The following ETS1 variants were observed in gnomAD, a reference collection of about 807,000 sequenced individuals.
ETS1 encodes the protein protein C-ets-1.
In ETS1, 15 loss-of-function variants were observed where a neutral mutation model predicts 58.6. That is an observed-to-expected ratio of 0.26 (90% confidence interval 0.17 to 0.39). The LOEUF (loss-of-function observed/expected upper bound fraction) is 0.39. ETS1 is among the 10% of genes least tolerant of loss of function. ETS1 has a pLI of 1.00. For synonymous variants in ETS1, 214 were observed against 218.2 expected (o/e 0.98, Z 0.17); for missense variants, 417 against 610.5 (o/e 0.68, Z 3.34).
chr11:128,466,340 C>T (rs1862034588), intron 8 of ETS1, among the ~76,000 whole-genome samples: 1 of 152,158 alleles, frequency 6.6e-6, no homozygotes, highest in African/African-American at 2.4e-5. Context: ...AGATCGAGAT[C>T]CTTCCCCCGG....
chr11:128,482,623 A>T (rs566698512), intron 7 of ETS1, among the ~76,000 whole-genome samples: 1 of 152,340 alleles, frequency 6.6e-6, no homozygotes, highest in African/African-American at 2.4e-5. Context: ...TTACAGCGGT[A>T]GGCAGCTTTC....
chr11:128,533,696 G>A (rs775855520), intron 3 of ETS1, among the ~76,000 whole-genome samples: 9 of 152,170 alleles, frequency 5.9e-5, no homozygotes, highest in Non-Finnish European at 1.0e-4. Flanking sequence ...CCAAGGCCTT[G>A]CTAGATAAAA....
At chr11:128,520,109 A>T (rs1281362837) in intron 3 of ETS1, among the ~76,000 whole-genome samples, 1 of 152,250 alleles carries the variant, frequency 6.6e-6, no homozygotes, top group African/African-American at 2.4e-5. Context: ...ATGGACGCTG[A>T]CTGTAGCGTT....
At chr11:128,563,056 C>A (rs1433982291) in intron 2 of ETS1, among the ~76,000 whole-genome samples, 1 of 151,800 alleles carries the variant, frequency 6.6e-6, no homozygotes, top group African/African-American at 2.4e-5. Flanking sequence ...GTGATCTATT[C>A]TTTCGGTCTT....
intron 3 of ETS1, among the ~76,000 whole-genome samples, chr11:128,528,802 G>A (rs971992339): frequency 6.6e-6 from 1 of 152,108 alleles, no homozygotes; most frequent in Non-Finnish European, 1.5e-5. Context: ...TAACTAAAAA[G>A]GTCTTCGTAA....
chr11:128,471,428 G>A (rs977254055), intron 8 of ETS1, among the ~76,000 whole-genome samples: 4 of 152,230 alleles, frequency 2.6e-5, no homozygotes, highest in African/African-American at 9.6e-5. Flanking sequence ...GGCGGCAGCA[G>A]GAGAAAGGGG....
chr11:128,479,260 A>G (rs1862416542), intron 8 of ETS1, among the ~76,000 whole-genome samples: 2 of 152,240 alleles, frequency 1.3e-5, no homozygotes, highest in African/African-American at 4.8e-5. Context: ...GGGTCCCTAC[A>G]TGAAAACATA....
At chr11:128,552,223 C>G (rs1864241637) in intron 3 of ETS1, among the ~76,000 whole-genome samples, 1 of 152,118 alleles carries the variant, frequency 6.6e-6, no homozygotes. Flanking sequence ...CAAACACAAG[C>G]AACCTGGGTC....
At chr11:128,570,025 G>A (rs1019316474) in intron 2 of ETS1, among the ~76,000 whole-genome samples, 3 of 152,160 alleles carry the variant, frequency 2.0e-5, no homozygotes, top group Non-Finnish European at 4.4e-5. Flanking sequence ...TATCCAGGGT[G>A]TTCAATTGCA....
At chr11:128,557,246 T>C (rs966975918) in intron 2 of ETS1, among the ~76,000 whole-genome samples, 2 of 152,188 alleles carry the variant, frequency 1.3e-5, no homozygotes, top group East Asian at 3.8e-4. Flanking sequence ...CATGTACATA[T>C]AGCTCTAGCT....
At chr11:128,487,528 C>A (rs1862667490) in intron 5 of ETS1, among the ~76,000 whole-genome samples, 2 of 152,124 alleles carry the variant, frequency 1.3e-5, no homozygotes, top group Non-Finnish European at 2.9e-5. Flanking sequence ...ATCACGAGGT[C>A]AAGGGATCAA....
intron 3 of ETS1, among the ~76,000 whole-genome samples, chr11:128,527,711 G>A (rs1177556688): frequency 6.6e-6 from 1 of 152,196 alleles, no homozygotes; most frequent in African/African-American, 2.4e-5. Context: ...GCATCCCAGG[G>A]CTACAGGATT....
At chr11:128,499,126 A>T (rs1863019546) in intron 3 of ETS1, among the ~76,000 whole-genome samples, 1 of 152,194 alleles carries the variant, frequency 6.6e-6, no homozygotes, top group Admixed American at 6.5e-5. Context: ...TCATGACAGG[A>T]TCATACGGCT....
chr11:128,531,345 G>A (rs1437035691), intron 3 of ETS1, among the ~76,000 whole-genome samples: 1 of 152,206 alleles, frequency 6.6e-6, no homozygotes, highest in African/African-American at 2.4e-5. Flanking sequence ...TTTGCACTGT[G>A]CATGATGCAG....
intron 3 of ETS1, among the ~76,000 whole-genome samples, chr11:128,524,863 C>T (rs1002916273): frequency 6.6e-6 from 1 of 152,118 alleles, no homozygotes; most frequent in African/African-American, 2.4e-5. Context: ...AGGCTGTGCC[C>T]TTTTCCCTTC....
chr11:128,561,756 G>A (rs1864408851), intron 2 of ETS1, among the ~76,000 whole-genome samples: 1 of 152,214 alleles, frequency 6.6e-6, no homozygotes, highest in Non-Finnish European at 1.5e-5. Context: ...AATAAGGAGA[G>A]TGGAAGACAA....
chr11:128,557,466 T>G (rs1001785318), intron 2 of ETS1, among the ~76,000 whole-genome samples: 1 of 152,246 alleles, frequency 6.6e-6, no homozygotes, highest in Non-Finnish European at 1.5e-5. Flanking sequence ...ATATATTGTA[T>G]GAAATGCATG....
chr11:128,466,335 G>A (rs934910938), intron 8 of ETS1, among the ~76,000 whole-genome samples: 4 of 152,186 alleles, frequency 2.6e-5, no homozygotes, highest in Non-Finnish European at 5.9e-5. Flanking sequence ...TGGGAAGATC[G>A]AGATCCTTCC....
chr11:128,558,535 C>T (rs887768724), intron 2 of ETS1, among the ~76,000 whole-genome samples: 12 of 151,678 alleles, frequency 7.9e-5, no homozygotes, highest in African/African-American at 2.7e-4. Context: ...ATCCCAGCTA[C>T]TAGGGAGACT....
Sources: allele counts gnomAD v4.1 joint callset (sites outside exome capture counted in the v4.1 genomes callset), GRCh38; gene constraint gnomAD v4.1.1; transcripts MANE v1.5; gene names NCBI Gene and HGNC (gene_info 2026-07-23, HGNC 2026-07-21).